Variants in TBC1D9 observed in about 807,000 individuals in gnomAD.
TBC1D9 encodes the protein TBC1 domain family member 9.
A neutral mutation model predicts 132.0 loss-of-function variants in TBC1D9; 63 were observed. The ratio of observed to expected loss-of-function variants is 0.48; its 90% CI spans 0.39 to 0.59. TBC1D9 has a LOEUF of 0.59. Ranked by LOEUF, TBC1D9 falls within the 20% of genes least tolerant of loss-of-function variation. TBC1D9 has a pLI of 0.00. For missense variants in TBC1D9, 1,261 were observed against 1,592.7 expected (o/e 0.79, Z 3.54); for synonymous variants, 610 against 609.9 (o/e 1.00, Z 0.00).
rs1238562759 is a variant in TBC1D9 at position 140,661,881 on chromosome 4, T to A, written c.1803+12A>T. 6.8e-6 allele frequency: 11 copies of A among 1,606,712 alleles called. No individual in the cohort carries two copies. The highest frequency in any genetic ancestry group is 8.5e-6 in the Non-Finnish European group (10 of 1,174,346). On this transcript the variant is annotated intron_variant, in intron 10 of 20. Coordinates refer to ENST00000442267, the MANE Select transcript of TBC1D9 (RefSeq NM_015130.3). Reference sequence around the variant, plus strand: ...TTTTATTTTTTTAGCAAAAACCACCTGTGACATTTACCTGGCAATACCCTA... The same window carrying A: ...TTTTATTTTTTTAGCAAAAACCACCAGTGACATTTACCTGGCAATACCCTA...
intron 1 of TBC1D9, among the ~76,000 whole-genome samples, chr4:140,752,804 G>GT (rs1259843957): frequency 2.0e-5 from 3 of 152,236 alleles, no homozygotes; most frequent in East Asian, 1.9e-4. Flanking sequence ...TTGACCCACT[G>GT]TTTTTTATAG....
chr4:140,629,205 C>T (rs1249021938), intron 16 of TBC1D9, among the ~76,000 whole-genome samples: 1 of 152,218 alleles, frequency 6.6e-6, no homozygotes, highest in Non-Finnish European at 1.5e-5. Context: ...CAACCAGAGG[C>T]ATTTCATTCC....
At chr4:140,712,302 T>C (rs577326215) in intron 1 of TBC1D9, 1 of 150,830 alleles carries the variant, frequency 6.6e-6, no homozygotes, top group Non-Finnish European at 1.5e-5. Context: ...TCATACACAC[T>C]GAATCACATT....
At chr4:140,692,362 T>C (rs1398055817) in intron 2 of TBC1D9, among the ~76,000 whole-genome samples, 1 of 152,190 alleles carries the variant, frequency 6.6e-6, no homozygotes, top group African/African-American at 2.4e-5. Flanking sequence ...AAATCATCTG[T>C]ATTATGGCCT....
At chr4:140,638,078 T>A (rs1248096650) in intron 15 of TBC1D9, among the ~76,000 whole-genome samples, 1 of 152,144 alleles carries the variant, frequency 6.6e-6, no homozygotes. Flanking sequence ...GCAAGGGCAG[T>A]CCTAAGCAAC....
intron 1 of TBC1D9, among the ~76,000 whole-genome samples, chr4:140,709,248 T>TCTCTCACACACACA (rs1382500714): frequency 1.4e-4 from 15 of 104,190 alleles, no homozygotes; most frequent in African/African-American, 6.2e-4. Context: ...TCTCTCTCTC[T>TCTCTCACACACACA]CACACACACA....
chr4:140,661,952 C>T lies in TBC1D9; in HGVS notation c.1744G>A (p.Ala582Thr), dbSNP rs1304100141. ...TAAGCTGTTAAGACTCTCCTTAGTG[C>T]AGCAATGCCCATTTCATTCTGAAAA... ...PAFQNEMGIA[A>T]LRRVLTAYAF... The change falls in exon 10 of 21, where the codon GCA (alanine) becomes ACA (threonine). Residue 582 changes from alanine to threonine, a missense_variant. By Grantham distance (58) the Ala-to-Thr change is moderately conservative. This residue lies in a region of TBC1D9 where 93 missense variants were observed against 169.2 expected (regional missense o/e 0.55). Coordinates refer to ENST00000442267, the MANE Select transcript of TBC1D9 (RefSeq NM_015130.3). 1 of 1,614,004 alleles carries T rather than the reference C, an allele frequency of 6.2e-7. No individual in the cohort carries two copies. Among genetic ancestry groups the T allele is most frequent in the Non-Finnish European group, 8.5e-7 (1 of 1,179,896 alleles).
chr4:140,735,697 CAAAACCCTGTCTTAAATAAGTAAATA>C (rs1167574716), intron 1 of TBC1D9, among the ~76,000 whole-genome samples: 1 of 152,158 alleles, frequency 6.6e-6, no homozygotes, highest in African/African-American at 2.4e-5. Flanking sequence ...GATGACAGAG[CAAAACCCTGTCTTAAATAAGTAAATA>C]AAAATAAAAG....
intron 1 of TBC1D9, among the ~76,000 whole-genome samples, chr4:140,718,926 A>G (rs1738380359): frequency 6.6e-6 from 1 of 151,884 alleles, no homozygotes; most frequent in Admixed American, 6.6e-5. Context: ...TTGTAAAAAC[A>G]CAAAAAAAAT....
At chr4:140,749,060 T>A (rs1160550972) in intron 1 of TBC1D9, among the ~76,000 whole-genome samples, 1 of 152,068 alleles carries the variant, frequency 6.6e-6, no homozygotes, top group Non-Finnish European at 1.5e-5. Context: ...ATTTAACATG[T>A]CAATTTAAAA....
chr4:140,690,543 G>C (rs567084635), intron 2 of TBC1D9, among the ~76,000 whole-genome samples: 2 of 152,018 alleles, frequency 1.3e-5, no homozygotes, highest in Non-Finnish European at 2.9e-5. Flanking sequence ...ACATGAAAAG[G>C]CTGGCCTTTT....
intron 7 of TBC1D9, among the ~76,000 whole-genome samples, 199 bp from the exon 8 acceptor site, chr4:140,670,003 C>T (rs1471240415): frequency 6.6e-6 from 1 of 152,180 alleles, no homozygotes; most frequent in Admixed American, 6.5e-5. Context: ...GGCCGCAGCA[C>T]TTCAATGCTC....
rs1736601695 is a variant in TBC1D9, at chr4:140,620,886, A to G, written c.*1309T>C. On this transcript the variant is annotated 3_prime_UTR_variant, in exon 21 of 21. Coordinates refer to ENST00000442267, the MANE Select transcript of TBC1D9 (RefSeq NM_015130.3). ...CATCCTGTAAATAGAATAAAAAACA[A>G]CAGCAGCAATAGCTAAAAAAAGGAC... 1 of 152,678 alleles carries G rather than the reference A, an allele frequency of 6.5e-6. No individual in the cohort carries two copies. The highest frequency in any genetic ancestry group is 6.5e-5 in the Admixed American group (1 of 15,292). 9.5% of individuals were successfully genotyped at this position (152,678 alleles called of 1,614,324 possible).
In TBC1D9 at chr4:140,639,120, A is replaced by G; in HGVS notation, c.2471T>C (p.Ile824Thr). Residue 824 changes from isoleucine to threonine, a missense_variant, in exon 15 of 21, where the codon ATT becomes ACT. Coordinates refer to ENST00000442267, the MANE Select transcript of TBC1D9 (RefSeq NM_015130.3). ...AGCATAAAGTTCTTCCAGCTCATCA[A>G]TGGTAAAGGAAGTTTCTGTCACAAT... ...RTIVTETSFTIDELEELYALF... is the reference protein window; with the variant it reads ...RTIVTETSFTTDELEELYALF... 3 of 1,589,894 alleles carry G rather than the reference A, an allele frequency of 1.9e-6. No individual in the cohort carries two copies. The highest frequency in any genetic ancestry group is 2.6e-6 in the Non-Finnish European group (3 of 1,166,934).
At chr4:140,755,774 C>G in intron 1 of TBC1D9, 142 bp downstream of exon 1, 1 of 1,298,950 alleles carries the variant, frequency 7.7e-7, no homozygotes, top group Non-Finnish European at 9.9e-7. Flanking sequence ...TCACGACTCT[C>G]GATGCCTCGC....
chr4:140,694,960 T>C (rs942524826), intron 2 of TBC1D9, among the ~76,000 whole-genome samples: 1 of 152,198 alleles, frequency 6.6e-6, no homozygotes, highest in African/African-American at 2.4e-5. Context: ...ACGAGAATAG[T>C]CCTTGAGTTA....
chr4:140,728,998 T>G (rs1258736503), intron 1 of TBC1D9, among the ~76,000 whole-genome samples: 2 of 152,152 alleles, frequency 1.3e-5, no homozygotes, highest in Non-Finnish European at 2.9e-5. Context: ...CTGAGGCACA[T>G]GGAAGGTAAA....
At chr4:140,624,021 G>T in intron 20 of TBC1D9, 95 bp downstream of exon 20, 1 of 944,980 alleles carries the variant, frequency 1.1e-6, no homozygotes, top group South Asian at 1.8e-5. Flanking sequence ...TATTATTTTT[G>T]ATGGGTATTG....
chr4:140,745,994 C>T (rs1275550305), intron 1 of TBC1D9, among the ~76,000 whole-genome samples: 3 of 152,216 alleles, frequency 2.0e-5, no homozygotes, highest in Non-Finnish European at 4.4e-5. Context: ...TTGTGGAGGT[C>T]TCCACTGAAT....
Sources: gnomAD v4.1 joint callset for allele counts (sites outside exome capture counted in the v4.1 genomes callset) on GRCh38, gnomAD v4.1.1 for gene constraint, gnomAD v4.1.1 regional missense constraint, MANE v1.5 for transcripts, NCBI Gene and HGNC (gene_info 2026-07-23, HGNC 2026-07-21) for gene names.